The following SNX29 variants were observed in gnomAD, a reference collection of about 807,000 sequenced individuals.
SNX29 encodes sorting nexin-29.
Under a neutral mutation model 102.1 loss-of-function variants are expected in SNX29, and 78 were observed. The observed-to-expected ratio is 0.76, with a 90% CI of 0.64 to 0.92. The LOEUF (loss-of-function observed/expected upper bound fraction) is 0.92. Among genes scored for constraint, SNX29 ranks in the 40% least tolerant of loss-of-function variants. The pLI is 0.00. For synonymous variants in SNX29, 580 were observed against 414.5 expected, an observed-to-expected ratio of 1.40 and a Z score of -4.85; for missense variants, 1,280 against 1,061.7, an observed-to-expected ratio of 1.21 and a Z score of -2.86.
intron 4 of SNX29, among the ~76,000 whole-genome samples, chr16:12,039,931 G>C (rs548337390): frequency 6.6e-6 from 1 of 152,290 alleles, no homozygotes; most frequent in South Asian, 2.1e-4. Context: ...GCAATAGCTG[G>C]TGCATAGTTA....
At chr16:12,309,913 C>T (rs1407337495) in intron 15 of SNX29, among the ~76,000 whole-genome samples, 1 of 152,152 alleles carries the variant, frequency 6.6e-6, no homozygotes, top group Non-Finnish European at 1.5e-5. Context: ...GAAGTTCCAG[C>T]TTGGTGCGAG....
intron 18 of SNX29, among the ~76,000 whole-genome samples, chr16:12,445,820 G>C: frequency 6.6e-6 from 1 of 152,126 alleles, no homozygotes; most frequent in South Asian, 2.1e-4. Context: ...TTCAAGCCTC[G>C]GGACAACGCT....
chr16:12,041,418 G>A (rs2049875732), intron 4 of SNX29, among the ~76,000 whole-genome samples: 1 of 152,194 alleles, frequency 6.6e-6, no homozygotes, highest in East Asian at 1.9e-4. Context: ...GGCCTGATGT[G>A]TTCTTTTCTT....
chr16:12,176,617 C>T (rs2076266461), intron 13 of SNX29, among the ~76,000 whole-genome samples: 1 of 152,122 alleles, frequency 6.6e-6, no homozygotes, highest in Admixed American at 6.5e-5. Context: ...GATTTAAAGT[C>T]TACCGGGGGA....
At chr16:12,220,219 A>G (rs1475563356) in intron 14 of SNX29, among the ~76,000 whole-genome samples, 1 of 152,054 alleles carries the variant, frequency 6.6e-6, no homozygotes, top group African/African-American at 2.4e-5. Context: ...CAGGTGCTCA[A>G]ACAGTTTACC....
chr16:11,996,927 C>T (rs2056095477), intron 1 of SNX29, among the ~76,000 whole-genome samples: 1 of 152,106 alleles, frequency 6.6e-6, no homozygotes, highest in Admixed American at 6.6e-5. Flanking sequence ...ACTAACGGTA[C>T]TTTTTGAAGA....
At chr16:12,024,603 T>G (rs1375768819) in intron 3 of SNX29, among the ~76,000 whole-genome samples, 1 of 152,176 alleles carries the variant, frequency 6.6e-6, no homozygotes. Flanking sequence ...TCGTGCAGTG[T>G]TAGGTTAGTT....
chr16:12,570,419 G>A lies in SNX29; in HGVS notation c.*1790G>A, dbSNP rs142999416. 1.6e-4 allele frequency: 42 copies of A among 261,100 alleles called. 1 individual carries two copies. The highest frequency in any genetic ancestry group is 2.4e-3 in the Middle Eastern group (2 of 834). The allele number at this position is 261,100 out of a possible 1,614,324, so 16.2% of individuals were successfully genotyped here. ...AGAGTGCACATCAGCTCACATGACT[G>A]GCAACTCTAAATAGAGAGCCCTAAT... On this transcript the variant is annotated 3_prime_UTR_variant, in exon 21 of 21. Transcript: ENST00000566228.
chr16:12,316,908 T>A (rs2080763566), intron 15 of SNX29, among the ~76,000 whole-genome samples: 1 of 152,212 alleles, frequency 6.6e-6, no homozygotes, highest in Non-Finnish European at 1.5e-5. Flanking sequence ...GAGACAGGTT[T>A]TCAGTCTCAT....
At chr16:12,523,343 G>C (rs563383405) in intron 19 of SNX29, among the ~76,000 whole-genome samples, 1 of 152,178 alleles carries the variant, frequency 6.6e-6, no homozygotes, top group Non-Finnish European at 1.5e-5. Flanking sequence ...ATTCCTCCTC[G>C]TGTTCTGTGA....
chr16:12,025,627 G>A (rs1022170014), intron 3 of SNX29, among the ~76,000 whole-genome samples: 1 of 152,198 alleles, frequency 6.6e-6, no homozygotes, highest in African/African-American at 2.4e-5. Context: ...GCCAGCTTTG[G>A]TCATTTGCCA....
At chr16:12,051,166 AAAT>A (rs2050282561) in intron 7 of SNX29, among the ~76,000 whole-genome samples, 3 of 152,214 alleles carry the variant, frequency 2.0e-5, no homozygotes, top group South Asian at 4.2e-4. Context: ...TCATCTCTAC[AAAT>A]AATAATAAAA....
chr16:12,219,953 C>T (rs904306971), intron 14 of SNX29, among the ~76,000 whole-genome samples: 4 of 152,132 alleles, frequency 2.6e-5, no homozygotes, highest in Non-Finnish European at 4.4e-5. Context: ...CACGTGCACG[C>T]ACACACACCC....
intron 16 of SNX29, among the ~76,000 whole-genome samples, chr16:12,392,503 G>A (rs1031326506): frequency 6.6e-6 from 1 of 152,060 alleles, no homozygotes; most frequent in Non-Finnish European, 1.5e-5. Flanking sequence ...CATCCAGTGG[G>A]AACATTCACT....
rs536961642 is a variant in SNX29 at position 12,510,640 on chromosome 16, T to G, written c.2179-14062T>G. On this transcript the variant is annotated intron_variant, in intron 19 of 20. Transcript: ENST00000566228. ...GTGAGCCGAGATGGCCCCACTGCACTCCAGCCTGGGCGACAGAGTGAGACT... is the reference window on the plus strand; with the variant it reads ...GTGAGCCGAGATGGCCCCACTGCACGCCAGCCTGGGCGACAGAGTGAGACT... Among the ~76,000 whole-genome samples, 621 of 151,840 alleles carry G rather than the reference T, an allele frequency of 4.1e-3. 6 individuals are homozygous for G. The highest frequency in any genetic ancestry group is 0.014 in the African/African-American group (580 of 41,406).
intron 13 of SNX29, among the ~76,000 whole-genome samples, chr16:12,161,411 C>T (rs1172682146): frequency 1.3e-5 from 2 of 152,184 alleles, no homozygotes; most frequent in Non-Finnish European, 2.9e-5. Flanking sequence ...GAGGCTGGGG[C>T]AGTTACTCTC....
chr16:12,509,908 G>A (rs1044104008), intron 19 of SNX29, among the ~76,000 whole-genome samples: 1 of 152,258 alleles, frequency 6.6e-6, no homozygotes, highest in African/African-American at 2.4e-5. Context: ...ACAGGCAGCT[G>A]CTCCAATAGC....
rs536621922 is a variant in SNX29 at position 12,570,304 on chromosome 16, C to T, written c.*1675C>T. 1.4e-4 allele frequency: 149 copies of T among 1,034,790 alleles called. 1 individual carries two copies. The South Asian group carries it at 5.3e-3, about 37-fold the overall frequency. 64.1% of individuals were successfully genotyped at this position (1,034,790 alleles called of 1,614,324 possible). A position where few individuals can be genotyped will look rare whatever the true frequency, so the allele number is the denominator to read the frequency against. On this transcript the variant is annotated 3_prime_UTR_variant, in exon 21 of 21. Coordinates refer to ENST00000566228, the MANE Select transcript of SNX29 (RefSeq NM_032167.5). ...AGTCAGTTTGCGAGTGTGGAGGACC[C>T]GAGACATCCTGTAAAGGCAACTTGG...
intron 15 of SNX29, among the ~76,000 whole-genome samples, chr16:12,306,272 T>C (rs2080334798): frequency 1.3e-5 from 2 of 152,102 alleles, no homozygotes; most frequent in African/African-American, 4.8e-5. Flanking sequence ...TGGGTCTACA[T>C]TTTCTCCTCA....
Sources: gnomAD v4.1 joint callset for allele counts (sites outside exome capture counted in the v4.1 genomes callset) on GRCh38, gnomAD v4.1.1 for gene constraint, MANE v1.5 for transcripts, NCBI Gene and HGNC (gene_info 2026-07-23, HGNC 2026-07-21) for gene names.